Variants in ULK4 observed in about 807,000 individuals in gnomAD.
The protein encoded by ULK4 is inactive serine/threonine-protein kinase ULK4.
A neutral mutation model predicts 160.6 loss-of-function variants in ULK4; 133 were observed. The observed-to-expected ratio is 0.83, with a 90% CI of 0.72 to 0.96. ULK4 has a LOEUF of 0.96. Ranked by LOEUF, ULK4 falls within the 40% of genes least tolerant of loss-of-function variation. The pLI is 0.00. For missense variants in ULK4, 1,580 were observed against 1,499.5 expected (o/e 1.05, Z -0.89); for synonymous variants, 534 against 539.8 (o/e 0.99, Z 0.15).
At chr3:41,809,951 A>G (rs1203675787) in intron 19 of ULK4, among the ~76,000 whole-genome samples, 1 of 152,224 alleles carries the variant, frequency 6.6e-6, no homozygotes, top group African/African-American at 2.4e-5. Flanking sequence ...TAAAAGACAA[A>G]CACATTTAAT....
chr3:41,405,602 C>T (rs1484537799), intron 34 of ULK4, among the ~76,000 whole-genome samples: 4 of 152,170 alleles, frequency 2.6e-5, no homozygotes, highest in African/African-American at 4.8e-5. Context: ...AGTGTATAAG[C>T]ATCCTCTTTT....
At chr3:41,897,398 A>G (rs567629739) in intron 14 of ULK4, among the ~76,000 whole-genome samples, 3 of 151,474 alleles carry the variant, frequency 2.0e-5, no homozygotes, top group Non-Finnish European at 4.4e-5. Flanking sequence ...AAAAGTTCCA[A>G]TAAAATTATT....
chr3:41,519,854 A>G (rs2643965), intron 32 of ULK4, among the ~76,000 whole-genome samples: 141,711 of 152,206 alleles, frequency 0.93, 66,455 homozygotes, highest in African/African-American at 0.97. Context: ...CTTAAATTTG[A>G]TCTTTGTAGC....
At chr3:41,570,774 C>A (rs2087945956) in intron 31 of ULK4, among the ~76,000 whole-genome samples, 1 of 152,168 alleles carries the variant, frequency 6.6e-6, no homozygotes, top group Admixed American at 6.5e-5. Context: ...AAAGCTAACT[C>A]ACCCTGGACG....
At chr3:41,679,355 A>T (rs528626518) in intron 29 of ULK4, among the ~76,000 whole-genome samples, 1 of 152,322 alleles carries the variant, frequency 6.6e-6, no homozygotes, top group East Asian at 1.9e-4. Flanking sequence ...CGTTCTACAG[A>T]TGAGAAAACT....
intron 35 of ULK4, among the ~76,000 whole-genome samples, chr3:41,355,486 T>C (rs1479948003): frequency 6.6e-6 from 1 of 152,234 alleles, no homozygotes; most frequent in Non-Finnish European, 1.5e-5. Flanking sequence ...GATTTTGGGA[T>C]AGAAAGTCTT....
In ULK4 at chr3:41,956,532, G is replaced by T. The variant is rs141091476; in HGVS notation, c.-48-1725C>A. 4.1e-3 allele frequency among the ~76,000 whole-genome samples: 630 copies of T among 152,156 alleles called. 4 individuals are homozygous for T. The highest frequency in any genetic ancestry group is 0.014 in the African/African-American group (564 of 41,500). On this transcript the variant is annotated intron_variant, in intron 1 of 36. Transcript: ENST00000301831. ...AACTTGCGGTCAAGACCCTCTACTG[G>T]TCTTGACTGGTATGCCCCACCTAAA...
At chr3:41,433,925 T>C (rs1420106627) in intron 34 of ULK4, among the ~76,000 whole-genome samples, 1 of 152,146 alleles carries the variant, frequency 6.6e-6, no homozygotes. Context: ...GGTTTCACCA[T>C]GTTAGTCAGG....
At chr3:41,658,753 A>T (rs866194096) in intron 30 of ULK4, among the ~76,000 whole-genome samples, 8 of 88,256 alleles carry the variant, frequency 9.1e-5, no homozygotes, top group Non-Finnish European at 1.7e-4. Context: ...ACACACACAC[A>T]CACACATATA....
chr3:41,855,657 A>G (rs1008310348), intron 17 of ULK4, among the ~76,000 whole-genome samples: 12 of 152,212 alleles, frequency 7.9e-5, no homozygotes, highest in East Asian at 3.8e-4. Context: ...ATTAAAAGTC[A>G]TATCTTCAAC....
chr3:41,836,958 T>C (rs897199656), intron 17 of ULK4, among the ~76,000 whole-genome samples: 1 of 152,160 alleles, frequency 6.6e-6, no homozygotes, highest in Non-Finnish European at 1.5e-5. Flanking sequence ...AAAAAATGTA[T>C]ATAAAATAGT....
intron 29 of ULK4, among the ~76,000 whole-genome samples, chr3:41,679,275 C>A (rs1161981971): frequency 2.0e-5 from 3 of 152,158 alleles, no homozygotes; most frequent in Non-Finnish European, 4.4e-5. Flanking sequence ...TTGCCACACA[C>A]TGTACCGTTT....
chr3:41,373,791 C>T (rs1055996792), intron 35 of ULK4, among the ~76,000 whole-genome samples: 5 of 151,862 alleles, frequency 3.3e-5, no homozygotes, highest in African/African-American at 1.2e-4. Context: ...AAGGTCACAG[C>T]AAAACTGAAA....
chr3:41,887,078 T>C (rs1697750749), intron 16 of ULK4, among the ~76,000 whole-genome samples: 1 of 152,282 alleles, frequency 6.6e-6, no homozygotes, highest in South Asian at 2.1e-4. Context: ...CTACAAACAG[T>C]GACCACTCTT....
intron 32 of ULK4, among the ~76,000 whole-genome samples, chr3:41,471,193 G>A (rs998751704): frequency 6.6e-6 from 1 of 152,066 alleles, no homozygotes; most frequent in Admixed American, 6.5e-5. Context: ...AGAGGGCAGA[G>A]AGACTTCTAT....
chr3:41,489,363 T>C (rs958556315), intron 32 of ULK4, among the ~76,000 whole-genome samples: 1 of 152,188 alleles, frequency 6.6e-6, no homozygotes, highest in East Asian at 1.9e-4. Context: ...TGTAATATAA[T>C]CCTTTATCAG....
chr3:41,833,286 GTT>G (rs767254673), intron 18 of ULK4, among the ~76,000 whole-genome samples: 16 of 109,484 alleles, frequency 1.5e-4, no homozygotes, highest in South Asian at 5.3e-4. Flanking sequence ...TTTTTTTTTT[GTT>G]TTTTTTTTTT....
chr3:41,822,716 G>A (rs777324236), intron 18 of ULK4, among the ~76,000 whole-genome samples: 3 of 137,296 alleles, frequency 2.2e-5, no homozygotes, highest in Non-Finnish European at 4.7e-5. Context: ...ACCATGCCGG[G>A]CTGAGATTTT....
intron 27 of ULK4, among the ~76,000 whole-genome samples, chr3:41,685,365 C>T (rs1165894222): frequency 1.3e-5 from 2 of 152,132 alleles, no homozygotes; most frequent in Non-Finnish European, 2.9e-5. Flanking sequence ...CTCACCCTCA[C>T]CAGAGCATTC....
Sources: allele counts gnomAD v4.1 joint callset (sites outside exome capture counted in the v4.1 genomes callset), GRCh38; gene constraint gnomAD v4.1.1; transcripts MANE v1.5; gene names NCBI Gene and HGNC (gene_info 2026-07-23, HGNC 2026-07-21).